The following THBS2 variants were observed in gnomAD, a reference collection of about 807,000 sequenced individuals.
THBS2 encodes thrombospondin 2, also known as thrombospondin-2.
THBS2 carries 47 observed loss-of-function variants against 135.2 expected under a neutral mutation model. That is an observed-to-expected ratio of 0.35 (90% CI 0.28 to 0.44). The LOEUF (loss-of-function observed/expected upper bound fraction) is 0.44, where lower values mean the gene tolerates loss of function less well. Ranked by LOEUF, THBS2 falls within the 20% of genes least tolerant of loss-of-function variation. The pLI is 1.00. For missense variants in THBS2, 1,288 were observed against 1,603.1 expected (o/e 0.80, Z 3.36); for synonymous variants, 639 against 633.8 (o/e 1.01, Z -0.12).
rs771788340 is a variant in THBS2, at chr6:169,225,311, G to T, written c.2607C>A (p.His869Gln). ...AGGGGCAGTTGTCCTGGTTGTTCTG[G>T]TGGCCGTCGTCATCTATGTCCTCGT... is the stretch of plus-strand genomic sequence containing the variant. ...DNNEDIDDDGHQNNQDNCPYI... is the reference protein window; with the variant it reads ...DNNEDIDDDGQQNNQDNCPYI... Residue 869 changes from histidine to glutamine, a missense_variant, in exon 17 of 22, where the codon CAC (histidine) becomes CAA (glutamine). Transcript: ENST00000617924. 6.9e-6 allele frequency: 11 copies of T among 1,584,026 alleles called. No individual in the cohort carries two copies. Among genetic ancestry groups the T allele is most frequent in the Non-Finnish European group, 9.4e-6 (11 of 1,164,618 alleles).
Position 169,249,427 on chromosome 6 carries a change from A to G in THBS2, c.53-454T>C, listed in dbSNP as rs146275971. On this transcript the variant is annotated intron_variant, in intron 2 of 21. Transcript: ENST00000617924. The stretch of plus-strand genomic sequence containing the variant: ...CTGAAAAGCAGCCATCCTGTCTACC[A>G]GTTGATTGCTCAGGAAAAAACCAAA... 2.0e-3 allele frequency among the ~76,000 whole-genome samples: 298 copies of G among 152,328 alleles called. 2 individuals carry two copies. The highest frequency in any genetic ancestry group is 3.1e-3 in the Non-Finnish European group (211 of 68,036).
rs771257805 is a variant in THBS2 at position 169,228,177 on chromosome 6, G to A, written c.2364C>T (p.Ile788=). 5.2e-5 allele frequency: 84 copies of A among 1,613,934 alleles called. No homozygotes were observed. Among genetic ancestry groups the A allele is most frequent in the Non-Finnish European group, 6.6e-5 (78 of 1,180,020 alleles). Residue 788 remains isoleucine, a synonymous_variant, in exon 15 of 22, where the codon ATC becomes ATT. Transcript: ENST00000617924. ...NCPYVHNPAQ[I]DTDNNGEGDA... is the part of the protein sequence containing the mutation. ...CACCCTCTCCATTGTTGTCTGTGTC[G>A]ATCTGGGCAGGGTTGTGCACGTAAG...
chr6:169,249,720 C>T lies in THBS2; in HGVS notation c.53-747G>A, dbSNP rs116538521. ...TGGCAAGAAAAGTGATCAGATCTCA[C>T]GAAAATCATAATAGTTTAAATAATT... On this transcript the variant is annotated intron_variant, in intron 2 of 21. Coordinates refer to ENST00000617924, the MANE Select transcript of THBS2 (RefSeq NM_003247.5). Among the ~76,000 whole-genome samples the T allele has an allele frequency of 9.2e-3, 1,407 of 152,238 alleles. 15 individuals carry two copies. The highest frequency in any genetic ancestry group is 0.032 in the African/African-American group (1,321 of 41,540).
At chr6:169,242,391 A>G (rs1244490864) in intron 4 of THBS2, among the ~76,000 whole-genome samples, 3 of 151,580 alleles carry the variant, frequency 2.0e-5, no homozygotes, top group African/African-American at 7.3e-5. Context: ...CATCCCCCAT[A>G]TGTTCTGACG....
chr6:169,253,555 A>G (rs1247607515), intron 1 of THBS2, among the ~76,000 whole-genome samples, 169 bp downstream of exon 1: 1 of 152,218 alleles, frequency 6.6e-6, no homozygotes, highest in African/African-American at 2.4e-5. Flanking sequence ...CAGTAGAAAC[A>G]CCACGTGAAG....
chr6:169,247,531 G>GT (rs143213623), intron 3 of THBS2, among the ~76,000 whole-genome samples: 30,754 of 151,900 alleles, frequency 0.2, 3,447 homozygotes, highest in Middle Eastern at 0.26. Context: ...TATGTGTGGG[G>GT]GATGTGTGAG....
At chr6:169,243,943 A>T (rs1780460784) in intron 4 of THBS2, among the ~76,000 whole-genome samples, 1 of 152,194 alleles carries the variant, frequency 6.6e-6, no homozygotes, top group African/African-American at 2.4e-5. Flanking sequence ...CAATCCATGA[A>T]CTAGCTGTTT....
chr6:169,231,879 T>TGAA (rs370793034), intron 13 of THBS2, 101 bp downstream of exon 13: 2 of 1,363,584 alleles, frequency 1.5e-6, no homozygotes, highest in Non-Finnish European at 2.0e-6. Flanking sequence ...TCCTTCCAAA[T>TGAA]TCCCTGTGCT....
In THBS2 at chr6:169,221,427, C is replaced by T. The variant is rs1434987356; in HGVS notation, c.3371+3G>A. ...AAATGCAGCTGTGCTGACCTGCCCT[C>T]ACCTGATGTAGCCAGTCTTGGGCCT... On this transcript the variant is annotated splice_donor_region_variant and intron_variant, in intron 20 of 21. Transcript: ENST00000617924. 6.2e-7 allele frequency: 1 copy of T among 1,613,750 alleles called. No individual in the cohort carries two copies. The highest frequency in any genetic ancestry group is 1.7e-5 in the Admixed American group (1 of 60,002).
chr6:169,219,162 T>TG (rs144472009), intron 21 of THBS2, among the ~76,000 whole-genome samples: 4,272 of 135,240 alleles, frequency 0.032, 198 homozygotes, highest in African/African-American at 0.11. Flanking sequence ...GATGAGTGAG[T>TG]GGGGGTGAAT....
intron 4 of THBS2, among the ~76,000 whole-genome samples, chr6:169,245,756 C>T (rs1288154475): frequency 6.8e-6 from 1 of 146,112 alleles, no homozygotes; most frequent in Non-Finnish European, 1.5e-5. Context: ...CGCACCACTG[C>T]ACTCCAGCCT....
chr6:169,239,635 A>G lies in THBS2; in HGVS notation c.1093T>C (p.Phe365Leu), dbSNP rs759104870. Reference protein sequence around the residue: ...CPPATCASPSFVEGECCPSCL... With the variant: ...CPPATCASPSLVEGECCPSCL... Reference sequence around the variant, plus strand: ...GAAGGGCAGCATTCGCCTTCCACAAAGGATGGACTGGCGCAGGTTGCAGGC... The same window carrying G: ...GAAGGGCAGCATTCGCCTTCCACAAGGGATGGACTGGCGCAGGTTGCAGGC... The change falls in exon 7 of 22, where the codon TTT (phenylalanine) becomes CTT (leucine). Residue 365 changes from phenylalanine (F) to leucine (L), a missense_variant. Coordinates refer to ENST00000617924, the MANE Select transcript of THBS2 (RefSeq NM_003247.5). 2 of 1,607,208 alleles carry G rather than the reference A, an allele frequency of 1.2e-6. No individual in the cohort carries two copies. Among genetic ancestry groups the G allele is most frequent in the South Asian group, 2.2e-5 (2 of 89,036 alleles).
intron 17 of THBS2, among the ~76,000 whole-genome samples, chr6:169,224,877 T>C (rs1486017264): frequency 6.6e-6 from 1 of 152,182 alleles, no homozygotes; most frequent in Admixed American, 6.5e-5. Context: ...CTGGAAGTTA[T>C]ATGGAGGCAG....
chr6:169,224,805 A>G (rs73043857), intron 17 of THBS2, among the ~76,000 whole-genome samples: 14,387 of 152,044 alleles, frequency 0.095, 754 homozygotes, highest in South Asian at 0.12. Context: ...GGCCCCATAC[A>G]CCAAATTCCC....
chr6:169,251,140 G>C (rs1490795211), intron 1 of THBS2, among the ~76,000 whole-genome samples: 1 of 152,190 alleles, frequency 6.6e-6, no homozygotes, highest in Non-Finnish European at 1.5e-5. Flanking sequence ...AGATGGGCAA[G>C]TTCAGCGCTT....
chr6:169,218,638 GGATGGTTGGGTGAATGGATGAGA>G (rs1779283061), intron 21 of THBS2, among the ~76,000 whole-genome samples: 1 of 95,888 alleles, frequency 1.0e-5, no homozygotes, highest in African/African-American at 3.8e-5. Context: ...TGGATGAGAT[GGATGGTTGGGTGAATGGATGAGA>G]TGGATGGGCG....
intron 19 of THBS2, 103 bp downstream of exon 19, chr6:169,222,094 A>G (rs1469506531): frequency 7.2e-7 from 1 of 1,380,318 alleles, no homozygotes; most frequent in Non-Finnish European, 9.7e-7. Flanking sequence ...GTTAAAATTA[A>G]TAAAGACAAA....
At chr6:169,231,255 A>C (rs761088459) in intron 13 of THBS2, among the ~76,000 whole-genome samples, 9 of 152,196 alleles carry the variant, frequency 5.9e-5, no homozygotes, top group African/African-American at 9.6e-5. Context: ...AGGCAGAGGA[A>C]GTTTCCGGAG....
intron 14 of THBS2, among the ~76,000 whole-genome samples, chr6:169,228,922 A>G (rs1779733955): frequency 6.8e-6 from 1 of 147,934 alleles, no homozygotes; most frequent in Non-Finnish European, 1.5e-5. Context: ...AAAAAAAAAA[A>G]AGAGTTAGCC....
Sources: gnomAD v4.1 joint callset for allele counts (sites outside exome capture counted in the v4.1 genomes callset) on GRCh38, gnomAD v4.1.1 for gene constraint, MANE v1.5 for transcripts, NCBI Gene and HGNC (gene_info 2026-07-23, HGNC 2026-07-21) for gene names.